The following UGGT2 variants were observed in gnomAD, a reference collection of about 807,000 sequenced individuals.
UGGT2 encodes UDP-glucose glycoprotein glucosyltransferase 2, also known as UDP-glucose:glycoprotein glucosyltransferase 2.
UGGT2 carries 180 observed loss-of-function variants against 192.1 expected under a neutral mutation model. That is an observed-to-expected ratio of 0.94 (90% confidence interval 0.83 to 1.06). UGGT2 has a LOEUF of 1.06. Among genes scored for constraint, UGGT2 ranks in the 50% least tolerant of loss-of-function variants. The pLI is 0.00. For synonymous variants in UGGT2, 580 were observed against 591.0 expected (o/e 0.98, Z 0.27); for missense variants, 1,849 against 1,795.7 (o/e 1.03, Z -0.54).
chr13:96,036,053 T>C (rs1426239825), intron 1 of UGGT2, among the ~76,000 whole-genome samples: 2 of 152,214 alleles, frequency 1.3e-5, no homozygotes, highest in African/African-American at 4.8e-5. Context: ...ATCCCATTAC[T>C]GGGTGTATAC....
chr13:95,877,891 T>C (rs368242946), intron 27 of UGGT2, 35 bp from the exon 28 acceptor site: 5 of 1,573,526 alleles, frequency 3.2e-6, no homozygotes, highest in Admixed American at 1.8e-5. Context: ...TTTGGTGTTA[T>C]GTAAAACTCA....
chr13:95,936,870 A>G, intron 17 of UGGT2, 54 bp downstream of exon 17: 2 of 1,382,876 alleles, frequency 1.4e-6, no homozygotes, highest in Middle Eastern at 2.7e-4. Flanking sequence ...AGTTTTTAAT[A>G]AAAACATCAT....
At chr13:96,025,363 G>A (rs924031776) in intron 2 of UGGT2, among the ~76,000 whole-genome samples, 8 of 152,176 alleles carry the variant, frequency 5.3e-5, no homozygotes, top group Non-Finnish European at 8.8e-5. Flanking sequence ...ATCAGGCAAT[G>A]AGTCATCTTA....
At chr13:96,027,000 G>C (rs534516531) in intron 2 of UGGT2, among the ~76,000 whole-genome samples, 1 of 152,150 alleles carries the variant, frequency 6.6e-6, no homozygotes, top group East Asian at 1.9e-4. Context: ...AACTATAGAT[G>C]ATTTCTCAGA....
At chr13:95,980,854 G>A (rs1187352662) in intron 10 of UGGT2, among the ~76,000 whole-genome samples, 3 of 151,990 alleles carry the variant, frequency 2.0e-5, no homozygotes, top group East Asian at 1.9e-4. Flanking sequence ...AAAATTAGCC[G>A]GGTGTGGTGG....
At chr13:95,846,907 C>T (rs1199633576) in intron 36 of UGGT2, among the ~76,000 whole-genome samples, 1 of 150,658 alleles carries the variant, frequency 6.6e-6, no homozygotes, top group South Asian at 2.1e-4. Context: ...GCTGTCATGT[C>T]TCACATTTCT....
At chr13:96,017,490 G>A (rs2052375510) in intron 4 of UGGT2, among the ~76,000 whole-genome samples, 1 of 152,112 alleles carries the variant, frequency 6.6e-6, no homozygotes, top group African/African-American at 2.4e-5. Context: ...ACAGACTGCA[G>A]AACCATAAAC....
In UGGT2 at chr13:95,970,762, AAAC is replaced by A. The variant is rs567463999; in HGVS notation, c.1185-503_1185-501del. Among the ~76,000 whole-genome samples the A allele has an allele frequency of 1.2e-3, 189 of 152,326 alleles. 1 individual carries two copies. Among genetic ancestry groups the A allele is most frequent in the Non-Finnish European group, 4.0e-4 (27 of 68,034 alleles). ...TAAACATAATAGAAAGTATTACTGT[AAAC>A]AACAACATCAACAATAACCCCATTG... is the stretch of plus-strand genomic sequence containing the variant. On this transcript the variant is annotated intron_variant, in intron 11 of 38. Coordinates refer to ENST00000376747, the MANE Select transcript of UGGT2 (RefSeq NM_020121.4).
intron 29 of UGGT2, 106 bp downstream of exon 29, chr13:95,877,173 C>T (rs145243293): frequency 1.7e-5 from 17 of 973,988 alleles, no homozygotes; most frequent in Admixed American, 5.5e-5. Flanking sequence ...TGAGCCACTG[C>T]GCCAGGCCAA....
chr13:96,043,726 A>G (rs564675003), intron 1 of UGGT2, among the ~76,000 whole-genome samples: 1 of 152,276 alleles, frequency 6.6e-6, no homozygotes, highest in Admixed American at 6.5e-5. Flanking sequence ...TTCTTATATG[A>G]GATAAAACAA....
At chr13:95,812,943 T>G (rs1374077183) in intron 38 of UGGT2, among the ~76,000 whole-genome samples, 1 of 152,188 alleles carries the variant, frequency 6.6e-6, no homozygotes, top group Admixed American at 6.5e-5. Context: ...CTATACATTT[T>G]GATCGGTGAA....
chr13:95,810,944 G>A (rs1223078733), intron 38 of UGGT2, among the ~76,000 whole-genome samples: 1 of 152,088 alleles, frequency 6.6e-6, no homozygotes, highest in Non-Finnish European at 1.5e-5. Context: ...AATGGGCAAA[G>A]GATCTCAATA....
At chr13:95,970,390 A>G (rs2050735739) in intron 11 of UGGT2, 128 bp from the exon 12 acceptor site, 1 of 759,422 alleles carries the variant, frequency 1.3e-6, no homozygotes, top group Non-Finnish European at 2.1e-6. Context: ...CAGGAAAAAT[A>G]TATTAAACTC....
At chr13:96,020,153 TACCTTGCGAGAC>T (rs1197545917) in intron 4 of UGGT2, among the ~76,000 whole-genome samples, 1 of 152,210 alleles carries the variant, frequency 6.6e-6, no homozygotes, top group African/African-American at 2.4e-5. Flanking sequence ...GGGTCCCTTT[TACCTTGCGAGAC>T]ACTGACTCCT....
At chr13:96,002,235 T>C (rs931939991) in intron 5 of UGGT2, among the ~76,000 whole-genome samples, 2 of 152,234 alleles carry the variant, frequency 1.3e-5, no homozygotes, top group Admixed American at 6.5e-5. Context: ...GCTACTGTTA[T>C]TGATGGTAAT....
intron 4 of UGGT2, among the ~76,000 whole-genome samples, chr13:96,015,588 AT>A (rs2052310180): frequency 6.6e-6 from 1 of 152,164 alleles, no homozygotes; most frequent in African/African-American, 2.4e-5. Context: ...AAATTAAATA[AT>A]TATATTTAAA....
chr13:95,965,572 T>A (rs1471430926), intron 12 of UGGT2, among the ~76,000 whole-genome samples: 4 of 121,308 alleles, frequency 3.3e-5, no homozygotes, highest in Non-Finnish European at 6.4e-5. Context: ...AAGGGGAACA[T>A]CACACTCTGG....
intron 38 of UGGT2, among the ~76,000 whole-genome samples, chr13:95,815,116 C>A (rs1884762736): frequency 2.0e-5 from 3 of 152,182 alleles, no homozygotes; most frequent in Admixed American, 6.5e-5. Context: ...AAGCTAACAT[C>A]ATCCATAATG....
In UGGT2 at chr13:95,919,383, G is replaced by T. The variant is rs149526418; in HGVS notation, c.2295+6297C>A. Among the ~76,000 whole-genome samples the T allele has an allele frequency of 1.4e-3, 213 of 152,226 alleles. 1 individual carries two copies. The highest frequency in any genetic ancestry group is 2.4e-3 in the Non-Finnish European group (162 of 68,016). On this transcript the variant is annotated intron_variant, in intron 20 of 38. Transcript: ENST00000376747. Reference sequence around the variant, plus strand: ...TTCTGGCCAGGGTAATCAGGCGCAAGAAAGAAATAAAGGGTATTCAAATAG... The same window carrying T: ...TTCTGGCCAGGGTAATCAGGCGCAATAAAGAAATAAAGGGTATTCAAATAG...
Sources: allele counts gnomAD v4.1 joint callset (sites outside exome capture counted in the v4.1 genomes callset), GRCh38; gene constraint gnomAD v4.1.1; transcripts MANE v1.5; gene names NCBI Gene and HGNC (gene_info 2026-07-23, HGNC 2026-07-21).